SNAP29: variants seen among roughly 807,000 people sequenced by gnomAD.
The protein encoded by SNAP29 is synaptosomal-associated protein 29.
Under a neutral mutation model 27.9 loss-of-function variants are expected in SNAP29, and 13 were observed. The ratio of observed to expected loss-of-function variants is 0.47; its 90% CI spans 0.30 to 0.74. The LOEUF is 0.74. Among genes scored for constraint, SNAP29 ranks in the 30% least tolerant of loss-of-function variants. The pLI, the probability that SNAP29 is intolerant of heterozygous loss-of-function variation, is 0.06. For synonymous variants in SNAP29, 119 were observed against 127.1 expected (o/e 0.94, Z 0.43); for missense variants, 368 against 336.5 (o/e 1.09, Z -0.73).
intron 1 of SNAP29, among the ~76,000 whole-genome samples, chr22:20,862,733 T>G (rs1319026622): frequency 6.6e-6 from 1 of 152,196 alleles, no homozygotes; most frequent in Non-Finnish European, 1.5e-5. Context: ...TGGTCATGAC[T>G]GGGCAGGTGA....
chr22:20,867,242 C>T (rs1388668275), intron 1 of SNAP29, among the ~76,000 whole-genome samples: 1 of 152,174 alleles, frequency 6.6e-6, no homozygotes, highest in Non-Finnish European at 1.5e-5. Flanking sequence ...CTGAGGGCAC[C>T]TGCGGAGCTC....
intron 2 of SNAP29, among the ~76,000 whole-genome samples, chr22:20,873,964 CAAAAAAAAAAA>C (rs362036): frequency 2.7e-4 from 7 of 25,968 alleles, no homozygotes; most frequent in African/African-American, 7.0e-4. Context: ...GACTCTGTCT[CAAAAAAAAAAA>C]AAAAAAAAAA....
intron 1 of SNAP29, among the ~76,000 whole-genome samples, chr22:20,860,560 A>T (rs1243606876): frequency 6.6e-6 from 1 of 151,556 alleles, no homozygotes; most frequent in Non-Finnish European, 1.5e-5. Flanking sequence ...TAGTGGAGAC[A>T]GGGTTTTGCC....
intron 1 of SNAP29, among the ~76,000 whole-genome samples, chr22:20,869,641 T>TA (rs1451987951): frequency 6.6e-6 from 1 of 152,120 alleles, no homozygotes; most frequent in Non-Finnish European, 1.5e-5. Context: ...AAAGGAAGAA[T>TA]ATAAGAACCA....
Position 20,859,024 on chromosome 22 carries a change from G to C in SNAP29, c.-87G>C. On this transcript the variant is annotated 5_prime_UTR_variant, in exon 1 of 5. Transcript: ENST00000215730. Reference sequence around the variant, plus strand: ...CGGAAGGAGTTCGCGCGACGACCGCGGGGTCGGCGGGCGGGGCGAGGCCCT... The same window carrying C: ...CGGAAGGAGTTCGCGCGACGACCGCCGGGTCGGCGGGCGGGGCGAGGCCCT... 1 of 1,379,632 alleles carries C rather than the reference G, an allele frequency of 7.2e-7. No homozygotes were observed. Among genetic ancestry groups the C allele is most frequent in the Non-Finnish European group, 9.9e-7 (1 of 1,008,122 alleles). The allele number at this position is 1,379,632 out of a possible 1,614,324, so 85.5% of individuals were successfully genotyped here.
At position 20,859,050 on chromosome 22, in the gene SNAP29, G is replaced by GGAC. The variant is rs1343293607; in HGVS notation, c.-59_-57dup. On this transcript the variant is annotated 5_prime_UTR_variant, in exon 1 of 5. Transcript: ENST00000215730. ...GGGTCGGCGGGCGGGGCGAGGCCCT[G>GGAC]GACGGCGGCGGCAGTGGGGCTCCTC... is the stretch of plus-strand genomic sequence containing the variant. 1.4e-5 allele frequency: 20 copies of GGAC among 1,454,936 alleles called. No homozygotes were observed. Among genetic ancestry groups the GGAC allele is most frequent in the Non-Finnish European group, 1.9e-5 (20 of 1,051,850 alleles). 90.1% of individuals were successfully genotyped at this position (1,454,936 alleles called of 1,614,324 possible).
intron 1 of SNAP29, 21 bp downstream of exon 1, chr22:20,859,368 G>A (rs765638064): frequency 8.6e-5 from 129 of 1,501,498 alleles, no homozygotes; most frequent in Middle Eastern, 3.4e-4. Context: ...GGCAGGGCTG[G>A]TGTGGACTCG....
In SNAP29 at chr22:20,859,036, C is replaced by A. The variant is rs990448924; in HGVS notation, c.-75C>A. 1.3e-5 allele frequency: 18 copies of A among 1,393,794 alleles called. No individual in the cohort carries two copies. Among genetic ancestry groups the A allele is most frequent in the South Asian group, 7.6e-5 (6 of 78,608 alleles). The allele number at this position is 1,393,794 out of a possible 1,614,324, so 86.3% of individuals were successfully genotyped here. On this transcript the variant is annotated 5_prime_UTR_variant, in exon 1 of 5. Coordinates refer to ENST00000215730, the MANE Select transcript of SNAP29 (RefSeq NM_004782.4). ...GCGCGACGACCGCGGGGTCGGCGGG[C>A]GGGGCGAGGCCCTGGACGGCGGCGG...
chr22:20,870,667 G>A lies in SNAP29; in HGVS notation c.434+134G>A, dbSNP rs1928570816. Reference sequence around the variant, plus strand: ...TTAAGTTACTCATCAGGGGATATTTGTCCTCAAACATTGTGAAACCAGGAA... The same window carrying A: ...TTAAGTTACTCATCAGGGGATATTTATCCTCAAACATTGTGAAACCAGGAA... On this transcript the variant is annotated intron_variant, in intron 2 of 4. Transcript: ENST00000215730. 4.9e-6 allele frequency: 4 copies of A among 823,228 alleles called. No individual in the cohort carries two copies. In the African/African-American group the frequency reaches 5.1e-5, roughly 10 times the overall value. The allele number at this position is 823,228 out of a possible 1,614,324, so 51.0% of individuals were successfully genotyped here. A position where few individuals can be genotyped will look rare whatever the true frequency, so the allele number is the denominator to read the frequency against.
intron 1 of SNAP29, among the ~76,000 whole-genome samples, chr22:20,868,731 G>C (rs1159328406): frequency 6.6e-6 from 1 of 152,228 alleles, no homozygotes; most frequent in Non-Finnish European, 1.5e-5. Context: ...AATGAAGCTC[G>C]AGAGCCTTCT....
chr22:20,861,032 A>ATCAT (rs1321309898), intron 1 of SNAP29, among the ~76,000 whole-genome samples: 2 of 151,626 alleles, frequency 1.3e-5, no homozygotes, highest in Non-Finnish European at 2.9e-5. Context: ...GCAACACGCT[A>ATCAT]TCATTTCCCC....
In SNAP29 at chr22:20,884,825, C is replaced by T. The variant is rs971475640; in HGVS notation, c.619+1256C>T. ...AGTTTTGCTTTTGTTGCCCAGGCTG[C>T]AGTGCAATGGTGCAATCTCAGCTCA... is the stretch of plus-strand genomic sequence containing the variant. On this transcript the variant is annotated intron_variant, in intron 4 of 4. Coordinates refer to ENST00000215730, the MANE Select transcript of SNAP29 (RefSeq NM_004782.4). Among the ~76,000 whole-genome samples, 7 of 152,242 alleles carry T rather than the reference C, an allele frequency of 4.6e-5. No individual in the cohort carries two copies. In the East Asian group the frequency reaches 1.2e-3, roughly 25 times the overall value.
intron 2 of SNAP29, among the ~76,000 whole-genome samples, chr22:20,873,066 A>C (rs1928636615): frequency 6.8e-6 from 1 of 147,456 alleles, no homozygotes; most frequent in East Asian, 2.1e-4. Flanking sequence ...TTGATCTCAG[A>C]TGATCCGCCC....
intron 4 of SNAP29, among the ~76,000 whole-genome samples, chr22:20,887,169 G>A (rs1929036295): frequency 6.6e-6 from 1 of 150,782 alleles, no homozygotes; most frequent in South Asian, 2.1e-4. Context: ...AGGTTGCAGT[G>A]AGCCGAGATC....
At chr22:20,873,110 G>A (rs991261188) in intron 2 of SNAP29, among the ~76,000 whole-genome samples, 8 of 151,872 alleles carry the variant, frequency 5.3e-5, no homozygotes, top group Non-Finnish European at 1.5e-5. Context: ...GATTATGGGC[G>A]TGAGCCACCA....
intron 2 of SNAP29, among the ~76,000 whole-genome samples, chr22:20,877,555 T>TA (rs578039507): frequency 3.3e-4 from 47 of 143,936 alleles, no homozygotes; most frequent in Non-Finnish European, 4.6e-4. Context: ...GAACTCCCTC[T>TA]AAAAAAAAAA....
intron 3 of SNAP29, among the ~76,000 whole-genome samples, chr22:20,881,723 C>T (rs931859805): frequency 4.6e-5 from 7 of 152,062 alleles, no homozygotes; most frequent in African/African-American, 1.4e-4. Context: ...AGAAAATGAG[C>T]GTGCCCATCA....
intron 2 of SNAP29, 152 bp from the exon 3 acceptor site, chr22:20,880,897 G>A (rs981791506): frequency 1.6e-6 from 1 of 614,214 alleles, no homozygotes; most frequent in African/African-American, 1.8e-5. Flanking sequence ...CCTGGGAGAA[G>A]CTGTTGAAAT....
chr22:20,878,558 A>C (rs1928804828), intron 2 of SNAP29, among the ~76,000 whole-genome samples: 1 of 152,066 alleles, frequency 6.6e-6, no homozygotes, highest in African/African-American at 2.4e-5. Flanking sequence ...AGCCTGGGTG[A>C]CAGAGCGAGA....
Sources: gnomAD v4.1 joint callset for allele counts (sites outside exome capture counted in the v4.1 genomes callset) on GRCh38, gnomAD v4.1.1 for gene constraint, MANE v1.5 for transcripts, NCBI Gene and HGNC (gene_info 2026-07-23, HGNC 2026-07-21) for gene names.